DLGAP1: variants seen among roughly 807,000 people sequenced by gnomAD.
DLGAP1 encodes disks large-associated protein 1.
A neutral mutation model predicts 90.8 loss-of-function variants in DLGAP1; 11 were observed. The ratio of observed to expected loss-of-function variants is 0.12; its 90% CI spans 0.08 to 0.20. The LOEUF (loss-of-function observed/expected upper bound fraction) is 0.20. Among genes scored for constraint, DLGAP1 ranks in the 10% least tolerant of loss-of-function variants. DLGAP1 has a pLI of 1.00. For missense variants in DLGAP1, 1,050 were observed against 1,333.8 expected (o/e 0.79, Z 3.31); for synonymous variants, 558 against 540.7 (o/e 1.03, Z -0.44).
At chr18:4,403,912 T>C (rs2082609849) in intron 1 of DLGAP1, among the ~76,000 whole-genome samples, 2 of 152,198 alleles carry the variant, frequency 1.3e-5, no homozygotes, top group South Asian at 4.2e-4. Context: ...TGTTTCTCCC[T>C]GGCTCCCTTC....
chr18:4,104,960 C>T (rs1180696628), intron 2 of DLGAP1, among the ~76,000 whole-genome samples: 10 of 152,160 alleles, frequency 6.6e-5, no homozygotes. Context: ...ATGGAAATGC[C>T]TAGTGCCTGA....
intron 1 of DLGAP1, among the ~76,000 whole-genome samples, chr18:4,297,785 T>C (rs1437552736): frequency 1.6e-4 from 24 of 152,148 alleles, no homozygotes; most frequent in Admixed American, 1.6e-3. Context: ...TCTTTCTCTA[T>C]CTATCACTGT....
chr18:4,107,363 A>G (rs2075886894), intron 2 of DLGAP1, among the ~76,000 whole-genome samples: 1 of 152,212 alleles, frequency 6.6e-6, no homozygotes, highest in African/African-American at 2.4e-5. Context: ...GTCTTTTAGT[A>G]GAAGCACAGG....
chr18:4,054,232 G>T (rs1568371211), intron 2 of DLGAP1, among the ~76,000 whole-genome samples: 1 of 152,172 alleles, frequency 6.6e-6, no homozygotes, highest in Non-Finnish European at 1.5e-5. Context: ...CACCATGGGA[G>T]CCCCATGAGG....
At position 3,832,928 on chromosome 18, in the gene DLGAP1, A is replaced by T. The variant is rs182464328; in HGVS notation, c.958-18655T>A. ...CCTTTGTACACCCACTTGTCTGTCA[A>T]CTTTCCTCCTTCCATTTGAGGCTGC... On this transcript the variant is annotated intron_variant, in intron 4 of 12. Coordinates refer to ENST00000315677, the MANE Select transcript of DLGAP1 (RefSeq NM_004746.4). Among the ~76,000 whole-genome samples the T allele has an allele frequency of 2.0e-5, 3 of 152,266 alleles. No individual in the cohort carries two copies. In the East Asian group the frequency reaches 5.8e-4, roughly 29 times the overall value.
At chr18:4,404,138 G>A (rs1303622937) in intron 1 of DLGAP1, among the ~76,000 whole-genome samples, 1 of 152,150 alleles carries the variant, frequency 6.6e-6, no homozygotes, top group Admixed American at 6.5e-5. Context: ...GGAAGATGGT[G>A]ATAAAAATGT....
At chr18:4,446,046 A>C (rs1408791117) in intron 1 of DLGAP1, among the ~76,000 whole-genome samples, 1 of 152,324 alleles carries the variant, frequency 6.6e-6, no homozygotes, top group Non-Finnish European at 1.5e-5. Context: ...GCTTGAGTAC[A>C]TGCAAATAAA....
intron 5 of DLGAP1, among the ~76,000 whole-genome samples, chr18:3,758,085 T>C (rs1391926756): frequency 1.4e-5 from 2 of 140,016 alleles, no homozygotes; most frequent in Admixed American, 7.7e-5. Flanking sequence ...CCAGCCTGGG[T>C]GACAGAGCGA....
At chr18:4,263,515 C>G (rs924501876) in intron 1 of DLGAP1, among the ~76,000 whole-genome samples, 6 of 151,990 alleles carry the variant, frequency 3.9e-5, no homozygotes, top group African/African-American at 1.4e-4. Flanking sequence ...TATGAATAGT[C>G]CTAAAATCTG....
chr18:3,886,148 G>A (rs2071307331), intron 3 of DLGAP1, among the ~76,000 whole-genome samples: 1 of 152,088 alleles, frequency 6.6e-6, no homozygotes. Context: ...AGGCAATTGC[G>A]ACTTACTTTA....
intron 1 of DLGAP1, among the ~76,000 whole-genome samples, chr18:4,241,509 G>GA (rs534807005): frequency 1.4e-3 from 205 of 151,804 alleles, no homozygotes; most frequent in African/African-American, 4.5e-3. Flanking sequence ...ACAACTCTTA[G>GA]AAAAAAAATG....
chr18:4,379,211 A>G (rs1361248436), intron 1 of DLGAP1, among the ~76,000 whole-genome samples: 1 of 152,174 alleles, frequency 6.6e-6, no homozygotes, highest in East Asian at 1.9e-4. Flanking sequence ...ATTTAAAAGC[A>G]GAAACAGGAA....
rs931128436 is a variant in DLGAP1 at position 4,454,050 on chromosome 18, C to T, written c.-267+956G>A. 6.6e-6 allele frequency among the ~76,000 whole-genome samples: 1 copy of T among 152,174 alleles called. No individual in the cohort carries two copies. Among genetic ancestry groups the T allele is most frequent in the African/African-American group, 2.4e-5 (1 of 41,458 alleles). ...CTCGGACACAGGCACTCAGTGTCTC[C>T]GGCGCCGGCAGCCGAGCCACGGGCC... On this transcript the variant is annotated intron_variant, in intron 1 of 12. Coordinates refer to ENST00000315677, the MANE Select transcript of DLGAP1 (RefSeq NM_004746.4). This position sits in a 1 kb window ranked among gnomAD's most constrained non-coding sequence, Gnocchi z 4.7.
chr18:4,449,742 AT>A (rs2083771649), intron 1 of DLGAP1, among the ~76,000 whole-genome samples: 2 of 152,222 alleles, frequency 1.3e-5, no homozygotes, highest in East Asian at 3.9e-4. Flanking sequence ...TGAAAAAGGA[AT>A]AAAGTGCTAA....
chr18:3,777,987 C>T lies in DLGAP1; in HGVS notation c.1173-35475G>A, dbSNP rs537825545. Among the ~76,000 whole-genome samples, 6 of 152,280 alleles carry T rather than the reference C, an allele frequency of 3.9e-5. No homozygotes were observed. In the South Asian group the frequency reaches 1.2e-3, roughly 32 times the overall value. On this transcript the variant is annotated intron_variant, in intron 5 of 12. Coordinates refer to ENST00000315677, the MANE Select transcript of DLGAP1 (RefSeq NM_004746.4). Reference sequence around the variant, plus strand: ...AATCCTTCGTAAGTAAGCAGACTCTCACATCTGTTCTTCTGTTTTTGCTTT... The same window carrying T: ...AATCCTTCGTAAGTAAGCAGACTCTTACATCTGTTCTTCTGTTTTTGCTTT...
At chr18:4,169,366 G>C in intron 1 of DLGAP1, among the ~76,000 whole-genome samples, 1 of 152,096 alleles carries the variant, frequency 6.6e-6, no homozygotes, top group East Asian at 1.9e-4. Flanking sequence ...AAAAAGTTAA[G>C]TGTGAAAAGA....
intron 4 of DLGAP1, among the ~76,000 whole-genome samples, chr18:3,830,375 C>T (rs1454588807): frequency 1.3e-5 from 2 of 152,146 alleles, no homozygotes; most frequent in African/African-American, 4.8e-5. Flanking sequence ...ACCAGCCTGG[C>T]TAACATGGTG....
At chr18:3,574,674 A>C (rs1330757192) in intron 8 of DLGAP1, among the ~76,000 whole-genome samples, 1 of 152,194 alleles carries the variant, frequency 6.6e-6, no homozygotes, top group Admixed American at 6.5e-5. Context: ...GCTGACTTCG[A>C]GGACATCAAA....
intron 2 of DLGAP1, among the ~76,000 whole-genome samples, chr18:4,100,954 G>A (rs1193033525): frequency 1.3e-5 from 2 of 152,202 alleles, no homozygotes; most frequent in Admixed American, 6.5e-5. Context: ...GTTGTGGCTG[G>A]TTTGATCTTC....
Sources: gnomAD v4.1 joint callset for allele counts (sites outside exome capture counted in the v4.1 genomes callset) on GRCh38, gnomAD v4.1.1 for gene constraint, Gnocchi (gnomAD v3.1) non-coding constraint, MANE v1.5 for transcripts, NCBI Gene and HGNC (gene_info 2026-07-23, HGNC 2026-07-21) for gene names.